Variants in FAM204A observed in about 807,000 individuals in gnomAD.
FAM204A encodes the protein protein FAM204A.
A neutral mutation model predicts 35.4 loss-of-function variants in FAM204A; 16 were observed. The ratio of observed to expected loss-of-function variants is 0.45; its 90% CI spans 0.31 to 0.69. The LOEUF (loss-of-function observed/expected upper bound fraction) is 0.69, where lower values mean the gene tolerates loss of function less well. Ranked by LOEUF, FAM204A falls within the 30% of genes least tolerant of loss-of-function variation. The pLI, the probability that FAM204A is intolerant of heterozygous loss-of-function variation, is 0.07. For synonymous variants in FAM204A, 76 were observed against 86.9 expected (o/e 0.88, Z 0.70); for missense variants, 240 against 265.7 (o/e 0.90, Z 0.67).
In FAM204A at chr10:118,335,157, T is replaced by C. The variant is rs1305005616; in HGVS notation, c.410A>G (p.Asn137Ser). 6 of 1,613,458 alleles carry C rather than the reference T, an allele frequency of 3.7e-6. No homozygotes were observed. In the African/African-American group the frequency reaches 4.0e-5, roughly 11 times the overall value. Reference protein sequence around the residue: ...WKELTQYFGVNDRFDPPVKRK... With the variant: ...WKELTQYFGVSDRFDPPVKRK... ...TTTAACAGGCGGGTCAAATCTATCA[T>C]TGACTCCAAAATACTGAGTAAGCTC... The change falls in exon 6 of 9, where the codon AAT becomes AGT. Residue 137 changes from asparagine (N) to serine (S), a missense_variant. Transcript: ENST00000369183.
intron 6 of FAM204A, among the ~76,000 whole-genome samples, chr10:118,327,419 C>T (rs1436400653): frequency 6.6e-6 from 1 of 152,204 alleles, no homozygotes; most frequent in African/African-American, 2.4e-5. Flanking sequence ...CACCTAAGTA[C>T]TTAATACCTG....
intron 5 of FAM204A, 67 bp from the exon 6 acceptor site, chr10:118,335,280 G>A (rs752820126): frequency 1.2e-5 from 18 of 1,550,562 alleles, no homozygotes; most frequent in Admixed American, 3.8e-5. Flanking sequence ...GTTTTTAATC[G>A]GTTACTACAA....
At chr10:118,341,324 A>G (rs1298218744) in intron 2 of FAM204A, among the ~76,000 whole-genome samples, 1 of 152,204 alleles carries the variant, frequency 6.6e-6, no homozygotes, top group Non-Finnish European at 1.5e-5. Context: ...TCTAAAATTA[A>G]TTTCACTTGT....
intron 7 of FAM204A, among the ~76,000 whole-genome samples, chr10:118,314,156 G>C (rs1387023684): frequency 6.6e-6 from 1 of 152,162 alleles, no homozygotes; most frequent in African/African-American, 2.4e-5. Flanking sequence ...ACATGAGAGG[G>C]CTCCATCATT....
rs931336104 is a variant in FAM204A at position 118,301,142 on chromosome 10, T to C, written c.*9715A>G. 8 of 152,234 alleles carry C rather than the reference T, an allele frequency of 5.3e-5. No homozygotes were observed. Among genetic ancestry groups the C allele is most frequent in the Admixed American group, 3.3e-4 (5 of 15,284 alleles). 9.4% of individuals were successfully genotyped at this position (152,234 alleles called of 1,614,324 possible). On this transcript the variant is annotated 3_prime_UTR_variant, in exon 9 of 9. Transcript: ENST00000369183. ...CCTCCTTGGCTCAACTGGGAACTCT[T>C]TGAAGGCTAGGGCCATCAATTACAT...
intron 2 of FAM204A, among the ~76,000 whole-genome samples, chr10:118,338,157 C>G (rs577826000): frequency 6.6e-6 from 1 of 152,280 alleles, no homozygotes; most frequent in East Asian, 1.9e-4. Flanking sequence ...ATTTACATTT[C>G]TTTGTTTAAA....
At chr10:118,326,848 T>C (rs1846205028) in intron 6 of FAM204A, among the ~76,000 whole-genome samples, 1 of 152,228 alleles carries the variant, frequency 6.6e-6, no homozygotes, top group Non-Finnish European at 1.5e-5. Flanking sequence ...CTATGACCAT[T>C]AGGCTGAATA....
chr10:118,322,974 C>T (rs703438), intron 7 of FAM204A, among the ~76,000 whole-genome samples: 151,482 of 152,258 alleles, frequency 0.99, 75,358 homozygotes, highest in Middle Eastern at 1. Flanking sequence ...CAGTTGTGCA[C>T]GGATCACATG....
At chr10:118,324,630 C>T (rs984567121) in intron 7 of FAM204A, among the ~76,000 whole-genome samples, 4 of 152,094 alleles carry the variant, frequency 2.6e-5, no homozygotes, top group African/African-American at 9.7e-5. Context: ...ATATGAGATA[C>T]CCATAGCAGT....
chr10:118,341,970 C>A (rs899212904), intron 1 of FAM204A, 43 bp from the exon 2 acceptor site: 1 of 152,278 alleles, frequency 6.6e-6, no homozygotes, highest in African/African-American at 2.4e-5. Flanking sequence ...AGCCTGTTTT[C>A]CCTATCGACA....
rs1292322057 is a variant in FAM204A at position 118,309,242 on chromosome 10, G to C, written c.*1615C>G. 1 of 152,044 alleles carries C rather than the reference G, an allele frequency of 6.6e-6. No homozygotes were observed. The highest frequency in any genetic ancestry group is 1.5e-5 in the Non-Finnish European group (1 of 68,014). The allele number at this position is 152,044 out of a possible 1,614,324, so 9.4% of individuals were successfully genotyped here. ...TATTCTAAAACTTTGCTTTCTCTAT[G>C]CTGGCTTTTCTCAACTAAATGAAAG... is the stretch of plus-strand genomic sequence containing the variant. On this transcript the variant is annotated 3_prime_UTR_variant, in exon 9 of 9. Coordinates refer to ENST00000369183, the MANE Select transcript of FAM204A (RefSeq NM_022063.3).
intron 2 of FAM204A, among the ~76,000 whole-genome samples, chr10:118,338,558 T>C (rs78241189): frequency 0.011 from 1,733 of 152,318 alleles, 12 homozygotes; most frequent in Non-Finnish European, 0.017. Context: ...TGCCCACTTA[T>C]GTGCCAGACA....
At position 118,301,134 on chromosome 10, in the gene FAM204A, G is replaced by A. The variant is rs1845804189; in HGVS notation, c.*9723C>T. On this transcript the variant is annotated 3_prime_UTR_variant, in exon 9 of 9. Transcript: ENST00000369183. ...ATATTTAACCTCCTTGGCTCAACTG[G>A]GAACTCTTTGAAGGCTAGGGCCATC... is the stretch of plus-strand genomic sequence containing the variant. The A allele has an allele frequency of 6.6e-6, 1 of 152,122 alleles. No individual in the cohort carries two copies. Among genetic ancestry groups the A allele is most frequent in the South Asian group, 2.1e-4 (1 of 4,824 alleles). 9.4% of individuals were successfully genotyped at this position (152,122 alleles called of 1,614,324 possible).
At chr10:118,337,123 A>C in intron 2 of FAM204A, 1 of 383,586 alleles carries the variant, frequency 2.6e-6, no homozygotes, top group Non-Finnish European at 3.6e-6. Context: ...ATTTAGCATT[A>C]GCTATACAGT....
chr10:118,328,034 A>C (rs1485169574), intron 6 of FAM204A, among the ~76,000 whole-genome samples: 1 of 152,214 alleles, frequency 6.6e-6, no homozygotes, highest in African/African-American at 2.4e-5. Context: ...GAATTTCTCC[A>C]TAAGGAAAGT....
At chr10:118,329,625 G>T (rs772369402) in intron 6 of FAM204A, among the ~76,000 whole-genome samples, 1 of 151,976 alleles carries the variant, frequency 6.6e-6, no homozygotes, top group African/African-American at 2.4e-5. Context: ...GCTGTACCTT[G>T]TGTCCCTTCA....
chr10:118,320,846 C>A (rs959629902), intron 7 of FAM204A, among the ~76,000 whole-genome samples: 1 of 151,252 alleles, frequency 6.6e-6, no homozygotes, highest in Non-Finnish European at 1.5e-5. Flanking sequence ...TGTATCACAA[C>A]AGGAGCACAC....
intron 2 of FAM204A, among the ~76,000 whole-genome samples, chr10:118,337,410 T>G (rs1406917304): frequency 6.6e-6 from 1 of 152,200 alleles, no homozygotes; most frequent in Non-Finnish European, 1.5e-5. Flanking sequence ...GTGATTAACC[T>G]AGTTAAAAAA....
intron 6 of FAM204A, among the ~76,000 whole-genome samples, chr10:118,326,821 G>A (rs1846204638): frequency 6.6e-6 from 1 of 152,010 alleles, no homozygotes; most frequent in South Asian, 2.1e-4. Context: ...TCAGTCAATA[G>A]CCTCCACAGC....
Sources: allele counts gnomAD v4.1 joint callset (sites outside exome capture counted in the v4.1 genomes callset), GRCh38; gene constraint gnomAD v4.1.1; transcripts MANE v1.5; gene names NCBI Gene and HGNC (gene_info 2026-07-23, HGNC 2026-07-21).